The following SPAG17 variants were observed in gnomAD, a reference collection of about 807,000 sequenced individuals.
SPAG17 encodes the protein sperm-associated antigen 17.
SPAG17 carries 169 observed loss-of-function variants against 273.6 expected under a neutral mutation model. The ratio of observed to expected loss-of-function variants is 0.62; its 90% CI spans 0.55 to 0.70. SPAG17 has a LOEUF of 0.70. Ranked by LOEUF, SPAG17 falls within the 30% of genes least tolerant of loss-of-function variation. The pLI, the probability that SPAG17 is intolerant of heterozygous loss-of-function variation, is 0.00. For missense variants in SPAG17, 2,557 were observed against 2,627.8 expected (o/e 0.97, Z 0.59); for synonymous variants, 825 against 873.2 (o/e 0.94, Z 0.97).
At chr1:118,065,493 G>T (rs1038789470) in intron 18 of SPAG17, among the ~76,000 whole-genome samples, 1 of 152,020 alleles carries the variant, frequency 6.6e-6, no homozygotes, top group African/African-American at 2.4e-5. Context: ...AACCAAATAG[G>T]AATATTTAAA....
chr1:118,135,533 C>A (rs1171164269), intron 3 of SPAG17, among the ~76,000 whole-genome samples: 1 of 151,948 alleles, frequency 6.6e-6, no homozygotes, highest in Non-Finnish European at 1.5e-5. Context: ...TCAAAATCAC[C>A]CCTAGGTTCT....
intron 1 of SPAG17, among the ~76,000 whole-genome samples, chr1:118,162,284 C>T (rs537406899): frequency 2.2e-4 from 34 of 152,268 alleles, no homozygotes; most frequent in African/African-American, 7.9e-4. Context: ...ATAAAAAGAG[C>T]ACTGGATTTA....
intron 27 of SPAG17, among the ~76,000 whole-genome samples, chr1:118,024,800 C>T (rs1294661698): frequency 6.6e-6 from 1 of 152,138 alleles, no homozygotes; most frequent in African/African-American, 2.4e-5. Context: ...AATTTTGCTG[C>T]ATGTTTTCCT....
intron 18 of SPAG17, 91 bp from the exon 19 acceptor site, chr1:118,056,005 T>G (rs1461998937): frequency 9.5e-7 from 1 of 1,049,406 alleles, no homozygotes; most frequent in Admixed American, 2.5e-5. Flanking sequence ...TTTTTGCTCA[T>G]GTCAAAAATA....
In SPAG17 at chr1:118,081,317, T is replaced by C; in HGVS notation, c.1993A>G (p.Ile665Val). The stretch of plus-strand genomic sequence containing the variant: ...AATAGTGTTCTGTCTTTGATTTTAA[T>C]ATCTATTCAGTGTAAGGAACATCCA... ...NTQEAKQKADIKIKDRTLFVD... is the reference protein window; with the variant it reads ...NTQEAKQKADVKIKDRTLFVD... The change falls in exon 15 of 49, where the codon ATT becomes GTT. Residue 665 changes from isoleucine (I) to valine (V), a missense_variant and splice_region_variant. Coordinates refer to ENST00000336338, the MANE Select transcript of SPAG17 (RefSeq NM_206996.4). The C allele has an allele frequency of 6.2e-7, 1 of 1,613,828 alleles. No homozygotes were observed. Among genetic ancestry groups the C allele is most frequent in the Non-Finnish European group, 8.5e-7 (1 of 1,179,832 alleles).
chr1:118,113,098 AC>A (rs1221957951), intron 4 of SPAG17, among the ~76,000 whole-genome samples: 2 of 152,160 alleles, frequency 1.3e-5, no homozygotes, highest in Non-Finnish European at 2.9e-5. Context: ...TCTTAAAAAT[AC>A]AATTTCAAAA....
rs759850178 is a variant in SPAG17, at chr1:118,028,325, C to CA, written c.3678dup (p.Val1227CysfsTer24). Reference sequence around the variant, plus strand: ...AACAGGAGCCCACTGGGGCAAGACACATTTAGGCTCTGGAAGGTGGGAACA... The same window carrying CA: ...AACAGGAGCCCACTGGGGCAAGACACAATTTAGGCTCTGGAAGGTGGGAACA... On this transcript the variant is annotated frameshift_variant, in exon 26 of 49. Coordinates refer to ENST00000336338, the MANE Select transcript of SPAG17 (RefSeq NM_206996.4). LOFTEE classifies it high-confidence loss of function. 8 of 1,613,802 alleles carry CA rather than the reference C, an allele frequency of 5.0e-6. No individual in the cohort carries two copies. The highest frequency in any genetic ancestry group is 6.8e-6 in the Non-Finnish European group (8 of 1,179,766).
rs555825023 is a variant in SPAG17 at position 117,996,493 on chromosome 1, C to T, written c.4930G>A (p.Val1644Ile). Residue 1644 changes from valine to isoleucine, a missense_variant, in exon 34 of 49, where the codon GTT (valine) becomes ATT (isoleucine). Transcript: ENST00000336338. The part of the protein sequence containing the change: ...IYGEHVPRFF[V>I]MYADGSGMEL... ...ATTCCTGATCCATCAGCATACATAA[C>T]AAAAAACCTATTTGAAGAAATAAAA... 1.9e-6 allele frequency: 3 copies of T among 1,609,648 alleles called. No homozygotes were observed. The highest frequency in any genetic ancestry group is 4.5e-5 in the East Asian group (2 of 44,818).
At chr1:118,008,391 T>C (rs780107937) in intron 30 of SPAG17, among the ~76,000 whole-genome samples, 193 bp from the exon 31 acceptor site, 1 of 152,170 alleles carries the variant, frequency 6.6e-6, no homozygotes. Context: ...CAATTCATAA[T>C]AATTCTTCCA....
intron 32 of SPAG17, among the ~76,000 whole-genome samples, chr1:118,002,199 G>T (rs1658361667): frequency 2.0e-5 from 3 of 152,072 alleles, no homozygotes; most frequent in Non-Finnish European, 4.4e-5. Context: ...AGTTTGTTGT[G>T]ATTTCTGTTC....
At position 118,176,716 on chromosome 1, in the gene SPAG17, CACA is replaced by C. The variant is rs201504002; in HGVS notation, c.87+8352_87+8354del. 3.3e-4 allele frequency among the ~76,000 whole-genome samples: 50 copies of C among 152,288 alleles called. 1 individual carries two copies. The East Asian group carries it at 7.5e-3, about 23-fold the overall frequency. ...ACCAAATAGGCCTAACTGATATTTA[CACA>C]ACATTTCACTCAAATACTGCAGAAT... On this transcript the variant is annotated intron_variant, in intron 1 of 48. Coordinates refer to ENST00000336338, the MANE Select transcript of SPAG17 (RefSeq NM_206996.4).
chr1:117,986,944 T>C (rs1450545069), intron 40 of SPAG17, among the ~76,000 whole-genome samples: 1 of 148,664 alleles, frequency 6.7e-6, no homozygotes, highest in Non-Finnish European at 1.5e-5. Context: ...GCCCTTGAAA[T>C]ACCCACAGGA....
chr1:117,966,463 T>G, intron 47 of SPAG17, 146 bp downstream of exon 47: 1 of 785,960 alleles, frequency 1.3e-6, no homozygotes, highest in Non-Finnish European at 1.9e-6. Context: ...CAAAGATGAA[T>G]GAAGATGCTC....
chr1:118,048,694 G>A lies in SPAG17; in HGVS notation c.2814+5308C>T, dbSNP rs552614342. On this transcript the variant is annotated intron_variant, in intron 20 of 48. Transcript: ENST00000336338. ...GGGCAGATCACAAGGTCAGGAGTTC[G>A]AGACCAGCCTAGCCAATATGGTGAA... is the stretch of plus-strand genomic sequence containing the variant. Among the ~76,000 whole-genome samples, 227 of 152,142 alleles carry A rather than the reference G, an allele frequency of 1.5e-3. 1 individual carries two copies. The highest frequency in any genetic ancestry group is 5.2e-3 in the African/African-American group (215 of 41,522).
In SPAG17 at chr1:117,973,405, T is replaced by C. The variant is rs779375293; in HGVS notation, c.6141+20A>G. On this transcript the variant is annotated intron_variant, in intron 44 of 48. Coordinates refer to ENST00000336338, the MANE Select transcript of SPAG17 (RefSeq NM_206996.4). ...AAATGCTGATTGGCTGTGGGGAATT[T>C]GTTCCAATGTTTGTTTTACCTTTGC... The C allele has an allele frequency of 5.0e-6, 8 of 1,607,818 alleles. No individual in the cohort carries two copies. In the South Asian group the frequency reaches 8.9e-5, roughly 18 times the overall value.
Position 118,016,014 on chromosome 1 carries a change from T to C in SPAG17, c.4238A>G (p.Asp1413Gly). Residue 1413 changes from aspartate to glycine, a missense_variant, in exon 29 of 49, where the codon GAC becomes GGC. Physicochemically the swap from Asp to Gly is moderately conservative, Grantham distance 94. Coordinates refer to ENST00000336338, the MANE Select transcript of SPAG17 (RefSeq NM_206996.4). ...IGTKGLERIA[D>G]LTPLLSFQAT... ...CTGAAAGGATAACAATGGGGTCAAG[T>C]CTGCTATTCTTTCTAATCCTTTGGT... The C allele has an allele frequency of 6.2e-7, 1 of 1,614,074 alleles. No homozygotes were observed.
intron 20 of SPAG17, among the ~76,000 whole-genome samples, chr1:118,047,427 G>A (rs1237528523): frequency 2.0e-5 from 3 of 151,806 alleles, no homozygotes; most frequent in Non-Finnish European, 4.4e-5. Flanking sequence ...TGCCAGGCCA[G>A]CCCCTGCAGA....
intron 36 of SPAG17, 119 bp downstream of exon 36, chr1:117,992,347 C>T: frequency 1.1e-6 from 1 of 925,164 alleles, no homozygotes; most frequent in East Asian, 2.7e-5. Context: ...GACTGACATC[C>T]TTGTGTTGCA....
At chr1:118,099,892 C>A (rs899139680) in intron 5 of SPAG17, 92 bp from the exon 6 acceptor site, 8 of 1,075,070 alleles carry the variant, frequency 7.4e-6, no homozygotes, top group Admixed American at 2.6e-5. Context: ...ATTATGCATG[C>A]ATTTATAATC....
Sources: gnomAD v4.1 joint callset for allele counts (sites outside exome capture counted in the v4.1 genomes callset) on GRCh38, gnomAD v4.1.1 for gene constraint, MANE v1.5 for transcripts, NCBI Gene and HGNC (gene_info 2026-07-23, HGNC 2026-07-21) for gene names.